The following TMEM165 variants were observed in gnomAD, a reference collection of about 807,000 sequenced individuals.
TMEM165 encodes transmembrane protein 165.
A neutral mutation model predicts 30.0 loss-of-function variants in TMEM165; 19 were observed. The observed-to-expected ratio is 0.63, with a 90% CI of 0.44 to 0.93. The LOEUF (loss-of-function observed/expected upper bound fraction) is 0.93, where lower values mean the gene tolerates loss of function less well. Ranked by LOEUF, TMEM165 falls within the 40% of genes least tolerant of loss-of-function variation. TMEM165 has a pLI of 0.00. For synonymous variants in TMEM165, 168 were observed against 162.9 expected (o/e 1.03, Z -0.24); for missense variants, 340 against 417.0 (o/e 0.82, Z 1.61).
At chr4:55,398,166 G>A (rs770375045) in intron 1 of TMEM165, among the ~76,000 whole-genome samples, 1 of 152,232 alleles carries the variant, frequency 6.6e-6, no homozygotes, top group Non-Finnish European at 1.5e-5. Flanking sequence ...AAGAACATTT[G>A]TAAGAATCAG....
intron 1 of TMEM165, among the ~76,000 whole-genome samples, chr4:55,397,950 C>T (rs1426229238): frequency 1.3e-5 from 2 of 151,876 alleles, no homozygotes; most frequent in African/African-American, 2.4e-5. Flanking sequence ...ACTATGTTGC[C>T]GAGTCTAGTC....
At chr4:55,432,270 AAGGAGCAACTTTATTAACCCTTCT>A (rs1722562891) in intron 3 of TMEM165, 2 of 151,808 alleles carry the variant, frequency 1.3e-5, no homozygotes, top group Admixed American at 6.6e-5. Context: ...ACACCACTCT[AAGGAGCAACTTTATTAACCCTTCT>A]AGTTCTCACT....
chr4:55,396,860 T>C (rs1335726065), intron 1 of TMEM165, among the ~76,000 whole-genome samples: 2 of 152,204 alleles, frequency 1.3e-5, no homozygotes, highest in African/African-American at 4.8e-5. Flanking sequence ...TTGCCAAATA[T>C]GGATTATGAA....
chr4:55,418,969 G>A (rs193142347), intron 4 of TMEM165, among the ~76,000 whole-genome samples: 12 of 151,890 alleles, frequency 7.9e-5, no homozygotes, highest in Admixed American at 1.3e-4. Context: ...TGATTGAACC[G>A]GGGAGGCAGA....
intron 1 of TMEM165, chr4:55,403,448 C>A: frequency 3.1e-6 from 1 of 321,132 alleles, no homozygotes; most frequent in Non-Finnish European, 4.7e-6. Context: ...TCTTGAGGAT[C>A]ATGAAAGTAT....
intron 3 of TMEM165, among the ~76,000 whole-genome samples, chr4:55,450,969 T>G (rs6824955): frequency 0.7 from 105,630 of 151,506 alleles, 37,160 homozygotes; most frequent in South Asian, 0.81. Context: ...AATCTTTCCC[T>G]TCACCAATGT....
rs181746219 is a variant in TMEM165, at chr4:55,436,670, G to C, written c.408+12027G>C. ...TTAAAGACTACTACACTTTGTCAAG[G>C]ATCTTCAGAGTTTTCTTTCTCTCTT... On this transcript the variant is annotated intron_variant, in intron 3 of 3. Coordinates refer to the TMEM165 transcript ENST00000608091. Among the ~76,000 whole-genome samples, 115 of 152,074 alleles carry C rather than the reference G, an allele frequency of 7.6e-4. 1 individual carries two copies. The East Asian group carries it at 0.02, about 27-fold the overall frequency.
At position 55,400,586 on chromosome 4, in the gene TMEM165, C is replaced by T. The variant is rs941583232; in HGVS notation, c.207+4190C>T. Among the ~76,000 whole-genome samples the T allele has an allele frequency of 9.4e-5, 14 of 148,648 alleles. 2 individuals carry two copies. Among genetic ancestry groups the T allele is most frequent in the African/African-American group, 2.8e-4 (11 of 39,058 alleles). ...CAGCATAGCTGGGACTACAGGCGCC[C>T]GCCACCATGCCCGCCTAATTTTTTG... On this transcript the variant is annotated intron_variant, in intron 1 of 5. Coordinates refer to ENST00000381334, the MANE Select transcript of TMEM165 (RefSeq NM_018475.5).
At chr4:55,453,198 T>A in exon 4 of TMEM165, 1 of 1,251,870 alleles carries the variant, frequency 8.0e-7, no homozygotes, top group Non-Finnish European at 1.2e-6. Context: ...CAGCTGTAAC[T>A]ATTCAGTGTT....
At position 55,438,615 on chromosome 4, in the gene TMEM165, T is replaced by TA. The variant is rs144065403; in HGVS notation, c.409-13623dup. The TA allele has an allele frequency of 6.9e-6, 11 of 1,602,100 alleles. No individual in the cohort carries two copies. The East Asian group carries it at 2.2e-4, about 33-fold the overall frequency. On this transcript the variant is annotated intron_variant, in intron 3 of 3. Transcript: ENST00000608091. ...CATAAAACGCAGTGGAGTAAATACTTACCTAAGATAATACCCAATGACATT... is the reference window on the plus strand; with the variant it reads ...CATAAAACGCAGTGGAGTAAATACTTAACCTAAGATAATACCCAATGACATT...
In TMEM165 at chr4:55,426,150, T is replaced by TATAA. The variant is rs1457280443; in HGVS notation, c.*704_*707dup. The TATAA allele has an allele frequency of 6.6e-6, 1 of 152,182 alleles. No homozygotes were observed. Among genetic ancestry groups the TATAA allele is most frequent in the African/African-American group, 2.4e-5 (1 of 41,444 alleles). The allele number at this position is 152,182 out of a possible 1,614,324, so 9.4% of individuals were successfully genotyped here. A position where few individuals can be genotyped will look rare whatever the true frequency, so the allele number is the denominator to read the frequency against. The stretch of plus-strand genomic sequence containing the variant: ...ATAAACAATGTAACATAGATAACAA[T>TATAA]ATAAATAAAAGTGGTATGACCAGTG... On this transcript the variant is annotated 3_prime_UTR_variant, in exon 6 of 6. Coordinates refer to ENST00000381334, the MANE Select transcript of TMEM165 (RefSeq NM_018475.5).
At chr4:55,433,204 T>C (rs1722637000) in intron 3 of TMEM165, 1 of 152,628 alleles carries the variant, frequency 6.6e-6, no homozygotes, top group Non-Finnish European at 1.5e-5. Context: ...TATGCTCAGG[T>C]ACATACATAT....
chr4:55,422,258 A>T (rs1483444215), intron 4 of TMEM165, among the ~76,000 whole-genome samples: 2 of 152,004 alleles, frequency 1.3e-5, no homozygotes, highest in African/African-American at 4.8e-5. Context: ...TCTCTGTAAC[A>T]GGTTTATTGA....
At chr4:55,398,891 A>G (rs1720840469) in intron 1 of TMEM165, 1 of 150,386 alleles carries the variant, frequency 6.6e-6, no homozygotes, top group Admixed American at 6.6e-5. Flanking sequence ...AAAAAAAACA[A>G]CAACCCGATT....
At chr4:55,448,810 G>A (rs1560421718) in intron 3 of TMEM165, 3 of 1,614,022 alleles carry the variant, frequency 1.9e-6, no homozygotes, top group Non-Finnish European at 2.5e-6. Context: ...TGGTAAATTT[G>A]TAGCTTGAGA....
intron 1 of TMEM165, among the ~76,000 whole-genome samples, chr4:55,400,867 T>G (rs1320404348): frequency 6.6e-6 from 1 of 150,828 alleles, no homozygotes; most frequent in East Asian, 1.9e-4. Flanking sequence ...GCTATTTTTG[T>G]CCACCTGATG....
At chr4:55,397,064 A>G (rs1720755931) in intron 1 of TMEM165, 1 of 152,172 alleles carries the variant, frequency 6.6e-6, no homozygotes, top group Non-Finnish European at 1.5e-5. Context: ...TAATCTGTTA[A>G]TAGAATTAGT....
chr4:55,402,693 C>T (rs899169003), intron 1 of TMEM165, among the ~76,000 whole-genome samples: 3 of 146,090 alleles, frequency 2.1e-5, no homozygotes, highest in African/African-American at 8.0e-5. Flanking sequence ...AGTGATCCAC[C>T]TACCACGCCT....
chr4:55,438,103 G>C (rs1425070488), intron 3 of TMEM165, among the ~76,000 whole-genome samples: 1 of 152,156 alleles, frequency 6.6e-6, no homozygotes, highest in Non-Finnish European at 1.5e-5. Flanking sequence ...TCCAACGACT[G>C]AGCAAGGGAA....
Sources: gnomAD v4.1 joint callset for allele counts (sites outside exome capture counted in the v4.1 genomes callset) on GRCh38, gnomAD v4.1.1 for gene constraint, MANE v1.5 for transcripts, NCBI Gene and HGNC (gene_info 2026-07-23, HGNC 2026-07-21) for gene names.